MACROD2: variants seen among roughly 807,000 people sequenced by gnomAD.
The protein encoded by MACROD2 is mono-ADP ribosylhydrolase 2.
Under a neutral mutation model 70.4 loss-of-function variants are expected in MACROD2, and 36 were observed. The observed-to-expected ratio is 0.51, with a 90% CI of 0.39 to 0.68. MACROD2 has a LOEUF of 0.68. Ranked by LOEUF, MACROD2 falls within the 30% of genes least tolerant of loss-of-function variation. The probability of loss-of-function intolerance (pLI) is 0.00; values close to 1 mark genes in which losing one functional copy is unlikely to be tolerated. For synonymous variants in MACROD2, 172 were observed against 178.8 expected (o/e 0.96, Z 0.30); for missense variants, 496 against 538.4 (o/e 0.92, Z 0.78).
At chr20:14,536,662 T>TGC (rs1555800388) in intron 4 of MACROD2, among the ~76,000 whole-genome samples, 1 of 143,494 alleles carries the variant, frequency 7.0e-6, no homozygotes, top group South Asian at 2.2e-4. Context: ...TGTGTGTGTG[T>TGC]GCATGCATGT....
intron 5 of MACROD2, among the ~76,000 whole-genome samples, chr20:14,869,775 C>T (rs1276707167): frequency 6.6e-6 from 1 of 152,024 alleles, no homozygotes; most frequent in Admixed American, 6.6e-5. Context: ...AGAGAGCAGC[C>T]ATTATTAGTT....
intron 6 of MACROD2, among the ~76,000 whole-genome samples, chr20:15,240,478 A>C (rs2077051417): frequency 6.6e-6 from 1 of 152,202 alleles, no homozygotes; most frequent in Non-Finnish European, 1.5e-5. Context: ...CTGAGACAGA[A>C]GGATCATTTG....
At chr20:15,308,181 C>A (rs1460797518) in intron 6 of MACROD2, among the ~76,000 whole-genome samples, 1 of 152,108 alleles carries the variant, frequency 6.6e-6, no homozygotes, top group Non-Finnish European at 1.5e-5. Flanking sequence ...TGCAGACATA[C>A]TGTGGAGACA....
At chr20:15,031,773 A>G (rs1052957278) in intron 5 of MACROD2, among the ~76,000 whole-genome samples, 49 of 152,216 alleles carry the variant, frequency 3.2e-4, no homozygotes, top group Non-Finnish European at 6.5e-4. Flanking sequence ...AGGGAGCACC[A>G]TAAATTCTCT....
At chr20:15,476,700 C>G (rs2047027146) in intron 7 of MACROD2, among the ~76,000 whole-genome samples, 2 of 152,118 alleles carry the variant, frequency 1.3e-5, no homozygotes, top group African/African-American at 4.8e-5. Context: ...CTGCATTCTA[C>G]TTCAGTAACA....
At chr20:15,233,470 G>A (rs904156116) in intron 6 of MACROD2, among the ~76,000 whole-genome samples, 1 of 151,966 alleles carries the variant, frequency 6.6e-6, no homozygotes, top group African/African-American at 2.4e-5. Flanking sequence ...AGTAGAGAGG[G>A]AAATGTTATA....
intron 5 of MACROD2, among the ~76,000 whole-genome samples, chr20:15,025,248 T>TGG (rs2075221076): frequency 6.6e-6 from 1 of 151,962 alleles, no homozygotes; most frequent in Non-Finnish European, 1.5e-5. Context: ...TTCTTGTTAA[T>TGG]GGGGGAGAGA....
intron 5 of MACROD2, among the ~76,000 whole-genome samples, chr20:14,962,435 CATATATATAGTATTTATAT>C (rs200592346): frequency 0.02 from 2,946 of 149,916 alleles, 69 homozygotes; most frequent in African/African-American, 0.054. Flanking sequence ...AGTACACACA[CATATATATAGTATTTATAT>C]ATATATATAG....
intron 6 of MACROD2, 146 bp downstream of exon 6, chr20:15,230,207 A>T (rs2076947947): frequency 1.5e-6 from 1 of 664,976 alleles, no homozygotes; most frequent in African/African-American, 1.9e-5. Flanking sequence ...GGTTATCATG[A>T]CTCTAATCTT....
At chr20:15,817,075 G>T (rs1600939933) in intron 8 of MACROD2, among the ~76,000 whole-genome samples, 1 of 152,258 alleles carries the variant, frequency 6.6e-6, no homozygotes, top group African/African-American at 2.4e-5. Flanking sequence ...CACAAGTTGT[G>T]GGCTCAATTA....
chr20:15,017,224 C>G lies in MACROD2; in HGVS notation c.419-212716C>G, dbSNP rs545307185. ...ATTGGGTAAATACAGTCATTCCAAA[C>G]GGGAGAAATTGGCCAAAACAAAGGG... On this transcript the variant is annotated intron_variant, in intron 5 of 17. Coordinates refer to ENST00000684519, the MANE Select transcript of MACROD2 (RefSeq NM_001351661.2). Among the ~76,000 whole-genome samples, 317 of 152,204 alleles carry G rather than the reference C, an allele frequency of 2.1e-3. 1 individual carries two copies. Among genetic ancestry groups the G allele is most frequent in the African/African-American group, 7.0e-3 (291 of 41,536 alleles).
chr20:15,444,308 T>C (rs2146380474), intron 7 of MACROD2, among the ~76,000 whole-genome samples: 1 of 152,344 alleles, frequency 6.6e-6, no homozygotes, highest in South Asian at 2.1e-4. Flanking sequence ...ATTCAGGATA[T>C]GTGCACTGTT....
chr20:14,975,655 T>TA (rs1600897137), intron 5 of MACROD2, among the ~76,000 whole-genome samples: 1 of 152,000 alleles, frequency 6.6e-6, no homozygotes, highest in East Asian at 1.9e-4. Context: ...TTCCATGTGT[T>TA]ACAGCATTCG....
intron 12 of MACROD2, among the ~76,000 whole-genome samples, chr20:15,962,053 G>A (rs1261951290): frequency 6.6e-6 from 1 of 152,200 alleles, no homozygotes; most frequent in Non-Finnish European, 1.5e-5. Flanking sequence ...GTCCAAACCA[G>A]CTTCATATTC....
intron 3 of MACROD2, chr20:14,337,441 G>A (rs181619906): frequency 6.8e-4 from 263 of 384,176 alleles, no homozygotes; most frequent in African/African-American, 4.8e-3. Context: ...ATACACTGCC[G>A]CTATAGCTGT....
At chr20:14,156,968 T>G (rs894391220) in intron 3 of MACROD2, among the ~76,000 whole-genome samples, 3 of 152,216 alleles carry the variant, frequency 2.0e-5, no homozygotes, top group African/African-American at 7.2e-5. Context: ...GAGTTTACCA[T>G]TAAAGTCATG....
chr20:15,789,796 T>A (rs150548976), intron 8 of MACROD2, among the ~76,000 whole-genome samples: 164 of 151,900 alleles, frequency 1.1e-3, no homozygotes, highest in African/African-American at 3.8e-3. Context: ...ATATTAGAAA[T>A]TAAAAGAATA....
chr20:15,168,418 T>C (rs2076400318), intron 5 of MACROD2, among the ~76,000 whole-genome samples: 1 of 151,030 alleles, frequency 6.6e-6, no homozygotes, highest in East Asian at 2.0e-4. Context: ...GCTAAAAGCC[T>C]CTTCCTCTCT....
intron 5 of MACROD2, among the ~76,000 whole-genome samples, chr20:14,920,876 C>CAAT (rs1295261849): frequency 6.6e-6 from 1 of 152,082 alleles, no homozygotes; most frequent in East Asian, 1.9e-4. Flanking sequence ...TCCACACATT[C>CAAT]ACATTAGGAA....
Sources: allele counts gnomAD v4.1 joint callset (sites outside exome capture counted in the v4.1 genomes callset), GRCh38; gene constraint gnomAD v4.1.1; transcripts MANE v1.5; gene names NCBI Gene and HGNC (gene_info 2026-07-23, HGNC 2026-07-21).